The following SLC1A1 variants were observed in gnomAD, a reference collection of about 807,000 sequenced individuals.
SLC1A1 encodes excitatory amino acid transporter 3.
A neutral mutation model predicts 53.3 loss-of-function variants in SLC1A1; 43 were observed. The observed-to-expected ratio is 0.81, with a 90% CI of 0.63 to 1.04. The LOEUF (loss-of-function observed/expected upper bound fraction) is 1.04. Among genes scored for constraint, SLC1A1 ranks in the 50% least tolerant of loss-of-function variants. The probability of loss-of-function intolerance (pLI) is 0.00; values close to 1 mark genes in which losing one functional copy is unlikely to be tolerated. For missense variants in SLC1A1, 748 were observed against 664.9 expected (o/e 1.12, Z -1.37); for synonymous variants, 307 against 243.2 (o/e 1.26, Z -2.44).
intron 1 of SLC1A1, among the ~76,000 whole-genome samples, chr9:4,517,505 GCTT>G (rs1815894440): frequency 2.6e-5 from 4 of 152,146 alleles, no homozygotes; most frequent in Admixed American, 2.0e-4. Flanking sequence ...ACCACGGGAG[GCTT>G]CTTGTGTTCC....
At chr9:4,509,880 C>T (rs1188263816) in intron 1 of SLC1A1, among the ~76,000 whole-genome samples, 1 of 152,188 alleles carries the variant, frequency 6.6e-6, no homozygotes, top group Admixed American at 6.5e-5. Flanking sequence ...GTCCCCCAGG[C>T]TGGAGTGCAG....
intron 3 of SLC1A1, among the ~76,000 whole-genome samples, chr9:4,563,480 C>T (rs1296410184): frequency 6.6e-6 from 1 of 152,184 alleles, no homozygotes; most frequent in Non-Finnish European, 1.5e-5. Flanking sequence ...GTCATGGCCC[C>T]TTATTGCCCA....
At chr9:4,526,691 T>C (rs1816272112) in intron 1 of SLC1A1, among the ~76,000 whole-genome samples, 1 of 152,304 alleles carries the variant, frequency 6.6e-6, no homozygotes, top group Non-Finnish European at 1.5e-5. Flanking sequence ...TCAGATTCTG[T>C]ATACTGAATA....
In SLC1A1 at chr9:4,573,898, C is replaced by T. The variant is rs1820304752; in HGVS notation, c.768-9C>T. ...ACGGAATCACGCCTCTGTTGTGCTT[C>T]CTTTCCAGTTATATGCCACTAGGTA... On this transcript the variant is annotated splice_polypyrimidine_tract_variant and intron_variant, in intron 7 of 11. Coordinates refer to ENST00000262352, the MANE Select transcript of SLC1A1 (RefSeq NM_004170.6). 5.1e-6 allele frequency: 8 copies of T among 1,579,578 alleles called. No individual in the cohort carries two copies. Among genetic ancestry groups the T allele is most frequent in the Non-Finnish European group, 7.0e-6 (8 of 1,148,648 alleles).
intron 1 of SLC1A1, among the ~76,000 whole-genome samples, chr9:4,536,488 T>C (rs149319877): frequency 3.3e-5 from 5 of 151,994 alleles, no homozygotes; most frequent in South Asian, 2.1e-4. Flanking sequence ...CAAAACCACA[T>C]TGAGATACCA....
At chr9:4,500,076 G>A (rs922592924) in intron 1 of SLC1A1, among the ~76,000 whole-genome samples, 1 of 152,162 alleles carries the variant, frequency 6.6e-6, no homozygotes, top group African/African-American at 2.4e-5. Context: ...AGCCGAGACT[G>A]AAAATAACTG....
intron 6 of SLC1A1, among the ~76,000 whole-genome samples, chr9:4,568,521 G>T (rs971499640): frequency 2.0e-5 from 3 of 151,770 alleles, no homozygotes; most frequent in African/African-American, 7.3e-5. Flanking sequence ...AGGAGTTTGA[G>T]ACCGGCCTGG....
intron 2 of SLC1A1, 29 bp from the exon 3 acceptor site, chr9:4,561,420 A>T (rs1473016720): frequency 7.5e-7 from 1 of 1,334,910 alleles, no homozygotes; most frequent in Admixed American, 1.7e-5. Flanking sequence ...TTTAAAATTA[A>T]TGTAATTTGA....
At chr9:4,497,321 G>C (rs903713509) in intron 1 of SLC1A1, among the ~76,000 whole-genome samples, 1 of 152,172 alleles carries the variant, frequency 6.6e-6, no homozygotes, top group African/African-American at 2.4e-5. Flanking sequence ...TCTGGCTCTA[G>C]AGCCTCTGCT....
At chr9:4,537,728 T>C (rs1426258536) in intron 1 of SLC1A1, among the ~76,000 whole-genome samples, 1 of 151,832 alleles carries the variant, frequency 6.6e-6, no homozygotes, top group Non-Finnish European at 1.5e-5. Flanking sequence ...GGCAAATCCA[T>C]AGAGACAGAA....
At chr9:4,560,717 C>T (rs902196228) in intron 2 of SLC1A1, among the ~76,000 whole-genome samples, 2 of 151,660 alleles carry the variant, frequency 1.3e-5, no homozygotes, top group African/African-American at 4.9e-5. Context: ...AAATCTCAGG[C>T]AGGACATGAT....
chr9:4,561,673 C>T (rs1818956856), intron 3 of SLC1A1, 132 bp downstream of exon 3: 3 of 737,224 alleles, frequency 4.1e-6, no homozygotes, highest in Middle Eastern at 2.9e-4. Flanking sequence ...GGGCAGATCC[C>T]TTGAGGTCAG....
intron 1 of SLC1A1, among the ~76,000 whole-genome samples, chr9:4,525,837 T>C (rs530618652): frequency 1.3e-5 from 2 of 152,228 alleles, no homozygotes; most frequent in Non-Finnish European, 2.9e-5. Context: ...CAAGGACCCA[T>C]AGATTTGGAA....
At chr9:4,526,443 G>A (rs974485774) in intron 1 of SLC1A1, among the ~76,000 whole-genome samples, 1 of 152,126 alleles carries the variant, frequency 6.6e-6, no homozygotes. Flanking sequence ...ACAAACTGAC[G>A]TGAGTAGTAG....
intron 1 of SLC1A1, among the ~76,000 whole-genome samples, chr9:4,523,382 C>A (rs7862687): frequency 0.44 from 66,091 of 151,554 alleles, 15,203 homozygotes; most frequent in Non-Finnish European, 0.51. Flanking sequence ...CATTTGTTCT[C>A]GTACCACTAA....
At chr9:4,564,585 C>T (rs1167767303) in intron 4 of SLC1A1, 127 bp downstream of exon 4, 4 of 718,034 alleles carry the variant, frequency 5.6e-6, no homozygotes, top group Non-Finnish European at 1.0e-5. Flanking sequence ...TGTGCACTTT[C>T]ATTTTGCCCA....
At chr9:4,526,696 T>C (rs1325448297) in intron 1 of SLC1A1, among the ~76,000 whole-genome samples, 1 of 152,214 alleles carries the variant, frequency 6.6e-6, no homozygotes, top group Non-Finnish European at 1.5e-5. Context: ...TTCTGTATAC[T>C]GAATAGAATT....
chr9:4,545,858 C>T (rs1005088714), intron 2 of SLC1A1, among the ~76,000 whole-genome samples: 1 of 149,004 alleles, frequency 6.7e-6, no homozygotes, highest in Non-Finnish European at 1.5e-5. Flanking sequence ...TGATAAGTTT[C>T]TCTGCATTGC....
Position 4,556,336 on chromosome 9 carries a change from A to G in SLC1A1, c.233-5113A>G, listed in dbSNP as rs572197061. Among the ~76,000 whole-genome samples, 1 of 152,300 alleles carries G rather than the reference A, an allele frequency of 6.6e-6. No individual in the cohort carries two copies. Among genetic ancestry groups the G allele is most frequent in the African/African-American group, 2.4e-5 (1 of 41,560 alleles). ...CGCCCCGCCCCTATCTTTTATTATT[A>G]CATTCAACAGAAATAAAGTTACTGT... On this transcript the variant is annotated intron_variant, in intron 2 of 11. Coordinates refer to ENST00000262352, the MANE Select transcript of SLC1A1 (RefSeq NM_004170.6). This position sits in a 1 kb window ranked among gnomAD's most constrained non-coding sequence, Gnocchi z 4.1.
Sources: allele counts gnomAD v4.1 joint callset (sites outside exome capture counted in the v4.1 genomes callset), GRCh38; gene constraint gnomAD v4.1.1; non-coding constraint Gnocchi (gnomAD v3.1); transcripts MANE v1.5; gene names NCBI Gene and HGNC (gene_info 2026-07-23, HGNC 2026-07-21).